The following VPS13D variants were observed in gnomAD, a reference collection of about 807,000 sequenced individuals.
The protein encoded by VPS13D is intermembrane lipid transfer protein VPS13D.
A neutral mutation model predicts 461.9 loss-of-function variants in VPS13D; 187 were observed. The ratio of observed to expected loss-of-function variants is 0.40; its 90% CI spans 0.36 to 0.46. The LOEUF (loss-of-function observed/expected upper bound fraction) is 0.46. Ranked by LOEUF, VPS13D falls within the 20% of genes least tolerant of loss-of-function variation. The probability of loss-of-function intolerance (pLI) is 0.60; values close to 1 mark genes in which losing one functional copy is unlikely to be tolerated. For missense variants in VPS13D, 4,711 were observed against 5,364.9 expected, an observed-to-expected ratio of 0.88 and a Z score of 3.81; for synonymous variants, 1,951 against 1,986.3, an observed-to-expected ratio of 0.98 and a Z score of 0.47.
chr1:12,292,276 A>C (rs1382744993), intron 23 of VPS13D, among the ~76,000 whole-genome samples: 1 of 150,774 alleles, frequency 6.6e-6, no homozygotes, highest in Non-Finnish European at 1.5e-5. Context: ...AAAAAAAAAA[A>C]AAAAAAAAAA....
Position 12,460,361 on chromosome 1 carries a change from G to A in VPS13D, c.12627G>A (p.Gln4209=). 2 of 1,610,628 alleles carry A rather than the reference G, an allele frequency of 1.2e-6. No homozygotes were observed. Reference sequence around the variant, plus strand: ...TGGATTTTGCATCAGAAACAGCCCAGGCGGTGAGAGACACAGCCACACTCA... The same window carrying A: ...TGGATTTTGCATCAGAAACAGCCCAAGCGGTGAGAGACACAGCCACACTCA... ...GALDFASETA[Q]AVRDTATLSG... Residue 4209 remains glutamine, a synonymous_variant, in exon 67 of 70, where the codon CAG becomes CAA. Transcript: ENST00000620676.
intron 22 of VPS13D, among the ~76,000 whole-genome samples, chr1:12,289,229 T>A (rs185491567): frequency 0.021 from 3,128 of 152,190 alleles, 152 homozygotes; most frequent in Admixed American, 0.12. Context: ...AGTAGGATTT[T>A]AAAAAAATAA....
chr1:12,322,041 A>C, intron 33 of VPS13D, 77 bp downstream of exon 33: 1 of 1,540,934 alleles, frequency 6.5e-7, no homozygotes, highest in Non-Finnish European at 8.8e-7. Context: ...ATTTGCTCTG[A>C]GCCCAACAAC....
At chr1:12,292,345 T>G (rs1642158547) in intron 23 of VPS13D, among the ~76,000 whole-genome samples, 1 of 151,310 alleles carries the variant, frequency 6.6e-6, no homozygotes, top group Non-Finnish European at 1.5e-5. Context: ...TTTTTTTCTT[T>G]TTTTTAATCT....
intron 13 of VPS13D, among the ~76,000 whole-genome samples, chr1:12,262,349 C>T (rs558876758): frequency 6.6e-6 from 1 of 152,198 alleles, no homozygotes; most frequent in East Asian, 1.9e-4. Context: ...ACAGACAGTC[C>T]TTGACTTAGG....
chr1:12,330,592 G>A (rs1290710447), intron 37 of VPS13D, among the ~76,000 whole-genome samples: 2 of 151,874 alleles, frequency 1.3e-5, no homozygotes, highest in South Asian at 2.1e-4. Flanking sequence ...TTTTGAGACC[G>A]AGTCTCACTC....
intron 67 of VPS13D, among the ~76,000 whole-genome samples, chr1:12,484,010 T>C (rs1027757930): frequency 6.6e-6 from 1 of 151,406 alleles, no homozygotes; most frequent in Non-Finnish European, 1.5e-5. Flanking sequence ...AAAAAAAAAA[T>C]AAAAATAAGA....
At chr1:12,384,143 C>G (rs558969477) in intron 58 of VPS13D, among the ~76,000 whole-genome samples, 2 of 152,192 alleles carry the variant, frequency 1.3e-5, no homozygotes, top group African/African-American at 4.8e-5. Flanking sequence ...GGCTCTTGCA[C>G]TAATGTAAAT....
rs12405757 is a variant in VPS13D at position 12,233,027 on chromosome 1, A to G, written c.-76-1164A>G. Among the ~76,000 whole-genome samples, 618 of 132,634 alleles carry G rather than the reference A, an allele frequency of 4.7e-3. 5 individuals carry two copies. The highest frequency in any genetic ancestry group is 7.1e-3 in the Non-Finnish European group (453 of 63,866). The allele number at this position is 132,634 out of a possible 152,430, so 87.0% of individuals were successfully genotyped here. The stretch of plus-strand genomic sequence containing the variant: ...GTTTCTTTTTCTTTTTTTTTTTGAG[A>G]TGGAGTCTCACTCTGTCACCCAGGC... On this transcript the variant is annotated intron_variant, in intron 1 of 69. Transcript: ENST00000620676.
In VPS13D at chr1:12,242,532, C is replaced by T. The variant is rs770901741; in HGVS notation, c.117C>T (p.Asn39=). ...ALLKGAVELE[N]LPLKKDALKE... ...TTTTAGGTGCTGTTGAATTAGAAAA[C>T]TTGCCATTAAAGAAAGATGCCTTGA... The change falls in exon 3 of 70, where the codon AAC becomes AAT. Residue 39 remains asparagine, a synonymous_variant. Coordinates refer to ENST00000620676, the MANE Select transcript of VPS13D (RefSeq NM_015378.4). 3 of 1,614,024 alleles carry T rather than the reference C, an allele frequency of 1.9e-6. No homozygotes were observed. The South Asian group carries it at 3.3e-5, about 18-fold the overall frequency.
At chr1:12,497,767 C>A in intron 68 of VPS13D, 136 bp downstream of exon 68, 1 of 1,155,734 alleles carries the variant, frequency 8.7e-7, no homozygotes, top group Non-Finnish European at 1.2e-6. Flanking sequence ...TTCCTTGCCC[C>A]AAATGTTTTT....
At chr1:12,384,464 A>G (rs1644324291) in intron 58 of VPS13D, among the ~76,000 whole-genome samples, 1 of 152,144 alleles carries the variant, frequency 6.6e-6, no homozygotes, top group Non-Finnish European at 1.5e-5. Context: ...TCCATAAGTC[A>G]TTGTAACTAT....
chr1:12,385,513 A>G, intron 59 of VPS13D, 140 bp downstream of exon 59: 3 of 671,528 alleles, frequency 4.5e-6, no homozygotes, highest in South Asian at 2.1e-5. Context: ...TTTACTGTTT[A>G]TCAGTGAATG....
chr1:12,259,762 A>G (rs953224541), intron 10 of VPS13D, among the ~76,000 whole-genome samples: 3 of 152,218 alleles, frequency 2.0e-5, no homozygotes, highest in South Asian at 2.1e-4. Flanking sequence ...TAAAAAATGT[A>G]GCTGGGTATC....
intron 17 of VPS13D, among the ~76,000 whole-genome samples, chr1:12,271,506 T>TA (rs946495402): frequency 4.9e-4 from 75 of 151,518 alleles, no homozygotes; most frequent in African/African-American, 1.8e-3. Context: ...CCATCTCTAC[T>TA]AAAAATACAA....
chr1:12,336,947 C>T (rs1643463951), intron 39 of VPS13D: 1 of 152,214 alleles, frequency 6.6e-6, no homozygotes, highest in Non-Finnish European at 1.5e-5. Flanking sequence ...GCAGGGGCAT[C>T]TTCAATTCAG....
chr1:12,268,352 T>C lies in VPS13D; in HGVS notation c.1802-354T>C, dbSNP rs543191789. On this transcript the variant is annotated intron_variant, in intron 15 of 69. Coordinates refer to ENST00000620676, the MANE Select transcript of VPS13D (RefSeq NM_015378.4). ...TTGATCAGTAGTAAAAGAGGGAATGTTTTCTGTTTTGTGCGCAGTGGTTTG... is the reference window on the plus strand; with the variant it reads ...TTGATCAGTAGTAAAAGAGGGAATGCTTTCTGTTTTGTGCGCAGTGGTTTG... Among the ~76,000 whole-genome samples, 3 of 151,580 alleles carry C rather than the reference T, an allele frequency of 2.0e-5. No individual in the cohort carries two copies. The South Asian group carries it at 6.3e-4, about 32-fold the overall frequency.
chr1:12,437,721 T>C (rs564070724), intron 65 of VPS13D, among the ~76,000 whole-genome samples: 3 of 152,366 alleles, frequency 2.0e-5, no homozygotes, highest in African/African-American at 7.2e-5. Context: ...TTTCCATGTA[T>C]AGACTAAAAG....
In VPS13D at chr1:12,308,454, T is replaced by C; in HGVS notation, c.6463T>C (p.Cys2155Arg). The change falls in exon 27 of 70, where the codon TGC becomes CGC. Residue 2155 changes from cysteine to arginine, a missense_variant. By Grantham distance (180) the Cys-to-Arg change is radical (BLOSUM62 -3). Coordinates refer to ENST00000620676, the MANE Select transcript of VPS13D (RefSeq NM_015378.4). Reference sequence around the variant, plus strand: ...AGAAGACCATGTCTGCCTGCTGGATTGCGTTGTCGTGGATCTCCAGGACAT... The same window carrying C: ...AGAAGACCATGTCTGCCTGCTGGATCGCGTTGTCGTGGATCTCCAGGACAT... ...SPEDHVCLLD[C>R]VVVDLQDMDI... The C allele has an allele frequency of 6.2e-7, 1 of 1,614,150 alleles. No homozygotes were observed. The highest frequency in any genetic ancestry group is 1.1e-5 in the South Asian group (1 of 91,086).
Sources: allele counts gnomAD v4.1 joint callset (sites outside exome capture counted in the v4.1 genomes callset), GRCh38; gene constraint gnomAD v4.1.1; transcripts MANE v1.5; gene names NCBI Gene and HGNC (gene_info 2026-07-23, HGNC 2026-07-21).